The following PCGF2 variants were observed in gnomAD, a reference collection of about 807,000 sequenced individuals.
PCGF2 encodes polycomb group RING finger protein 2.
PCGF2 carries 8 observed loss-of-function variants against 36.1 expected under a neutral mutation model. That is an observed-to-expected ratio of 0.22 (90% CI 0.13 to 0.40). The LOEUF (loss-of-function observed/expected upper bound fraction) is 0.40. Among genes scored for constraint, PCGF2 ranks in the 10% least tolerant of loss-of-function variants. PCGF2 has a pLI of 1.00. For synonymous variants in PCGF2, 198 were observed against 191.2 expected (o/e 1.04, Z -0.29); for missense variants, 436 against 475.9 (o/e 0.92, Z 0.78).
intron 9 of PCGF2, among the ~76,000 whole-genome samples, chr17:38,737,910 C>CA (rs57011839): frequency 0.47 from 41,387 of 88,860 alleles, 8,259 homozygotes; most frequent in Non-Finnish European, 0.54. Context: ...GACTCCATCT[C>CA]AAAAAAAAAA....
rs940034499 is a variant in PCGF2 at position 38,739,011 on chromosome 17, C to A, written c.316+57G>T. 5.6e-6 allele frequency: 9 copies of A among 1,596,586 alleles called. No individual in the cohort carries two copies. In the African/African-American group the frequency reaches 1.1e-4, roughly 19 times the overall value. ...TCAGAGGGTGAGGGGTAGCGCTACA[C>A]ACCTACATGGTCCCAGGCAAGACTG... is the stretch of plus-strand genomic sequence containing the variant. On this transcript the variant is annotated intron_variant, in intron 6 of 10. Coordinates refer to ENST00000620225, the MANE Select transcript of PCGF2 (RefSeq NM_007144.3). This position sits in a 1 kb window ranked among gnomAD's most constrained non-coding sequence, Gnocchi z 4.0.
chr17:38,735,715 G>T, intron 10 of PCGF2, 115 bp from the exon 11 acceptor site: 1 of 1,351,460 alleles, frequency 7.4e-7, no homozygotes, highest in Non-Finnish European at 9.8e-7. Flanking sequence ...AAAAGGGATG[G>T]GATGGGGCCT....
At chr17:38,735,972 C>T (rs1201114448) in intron 10 of PCGF2, 118 bp downstream of exon 10, 2 of 746,904 alleles carry the variant, frequency 2.7e-6, no homozygotes, top group Middle Eastern at 2.3e-4. Context: ...CCTGGACATG[C>T]AGCTCATGGG....
In PCGF2 at chr17:38,736,156, G is replaced by A. The variant is rs771762265; in HGVS notation, c.591C>T (p.Tyr197=). Residue 197 remains tyrosine (Y), a synonymous_variant, in exon 10 of 11, where the codon TAC becomes TAT. Transcript: ENST00000620225. ...VPSKYKVEVL[Y]EDEPLKEYYT... is the part of the protein sequence containing the mutation. ...AGTATTCCTTCAGTGGCTCGTCCTC[G>A]TACAGAACCTCCACCTGGGGGAGGG... 2.7e-5 allele frequency: 42 copies of A among 1,572,218 alleles called. No homozygotes were observed. Among genetic ancestry groups the A allele is most frequent in the Non-Finnish European group, 3.2e-5 (37 of 1,158,796 alleles).
At chr17:38,735,846 A>C (rs779714975) in intron 10 of PCGF2, among the ~76,000 whole-genome samples, 46 of 152,142 alleles carry the variant, frequency 3.0e-4, no homozygotes, top group Non-Finnish European at 6.3e-4. Context: ...GGCAGCTGCC[A>C]GCACCTATTT....
At position 38,740,276 on chromosome 17, in the gene PCGF2, C is replaced by A. The variant is rs1241873301; in HGVS notation, c.112+15G>T. The A allele has an allele frequency of 6.2e-7, 1 of 1,610,214 alleles. No homozygotes were observed. Among genetic ancestry groups the A allele is most frequent in the Non-Finnish European group, 8.5e-7 (1 of 1,176,454 alleles). On this transcript the variant is annotated intron_variant, in intron 3 of 10. Coordinates refer to ENST00000620225, the MANE Select transcript of PCGF2 (RefSeq NM_007144.3). ...AGGCTGCCCACCCTGAGCAGCTCCCCTCCCCCCAACTCACAGGAATGCAGG... is the reference window on the plus strand; with the variant it reads ...AGGCTGCCCACCCTGAGCAGCTCCCATCCCCCCAACTCACAGGAATGCAGG...
intron 10 of PCGF2, 76 bp downstream of exon 10, chr17:38,736,014 G>GGT (rs1906686682): frequency 2.1e-6 from 2 of 939,820 alleles, no homozygotes; most frequent in Admixed American, 4.0e-5. Flanking sequence ...ATTACAGAAG[G>GGT]GTGGCCCATG....
chr17:38,738,953 A>T (rs2075056), intron 6 of PCGF2, 92 bp from the exon 7 acceptor site: 3 of 1,531,670 alleles, frequency 2.0e-6, no homozygotes, highest in Admixed American at 3.4e-5. Context: ...AGGTGAGCCC[A>T]GCCACCTTCT....
Position 38,735,518 on chromosome 17 carries a change from C to T in PCGF2, c.740G>A (p.Gly247Asp). 1 of 1,590,524 alleles carries T rather than the reference C, an allele frequency of 6.3e-7. No homozygotes were observed. Among genetic ancestry groups the T allele is most frequent in the Non-Finnish European group, 8.6e-7 (1 of 1,168,670 alleles). Residue 247 changes from glycine (G) to aspartate (D), a missense_variant, in exon 11 of 11, where the codon GGC becomes GAC. Physicochemically the swap from Gly to Asp is moderately conservative, Grantham distance 94. Around this residue, in one of 3 missense-constraint regions of PCGF2, gnomAD observed 227 missense variants for 212.9 expected, o/e 1.07. Transcript: ENST00000620225. ...TLATVPTPSE[G>D]TNTSGASECE... ...CTCGGACGCCCCGCTGGTGTTGGTGCCCTCGGAGGGGGTGGGCACCGTGGC... is the reference window on the plus strand; with the variant it reads ...CTCGGACGCCCCGCTGGTGTTGGTGTCCTCGGAGGGGGTGGGCACCGTGGC...
chr17:38,738,445 C>T lies in PCGF2; in HGVS notation c.484G>A (p.Gly162Arg). ...ENGDGDKEKT[G>R]VRFLRCPAAM... is the part of the protein sequence containing the mutation. ...GCTGGGCATCGCAGGAAGCGCACCC[C>T]TGTCTGCTGGGGCACAGGCACCCAT... Residue 162 changes from glycine (G) to arginine (R), a missense_variant, in exon 9 of 11, where the codon GGG (glycine) becomes AGG (arginine). Gly to Arg is a moderately radical substitution (Grantham distance 125). Coordinates refer to ENST00000620225, the MANE Select transcript of PCGF2 (RefSeq NM_007144.3). 2 of 1,614,204 alleles carry T rather than the reference C, an allele frequency of 1.2e-6. No individual in the cohort carries two copies. The highest frequency in any genetic ancestry group is 1.7e-6 in the Non-Finnish European group (2 of 1,180,026).
At position 38,735,478 on chromosome 17, in the gene PCGF2, GCTGA is replaced by G; in HGVS notation, c.776_779del (p.Val259AlafsTer59). ...GGGTGGCAGGGCTGGGAGCCTTGTC[GCTGA>G]CTGACTCACACTCGGACGCCCCGCT... On this transcript the variant is annotated frameshift_variant, in exon 11 of 11. Coordinates refer to ENST00000620225, the MANE Select transcript of PCGF2 (RefSeq NM_007144.3). LOFTEE classifies it high-confidence loss of function. 1 of 1,592,020 alleles carries G rather than the reference GCTGA, an allele frequency of 6.3e-7. No individual in the cohort carries two copies. The highest frequency in any genetic ancestry group is 8.5e-7 in the Non-Finnish European group (1 of 1,169,612).
At chr17:38,745,594 ACAAAG>A (rs1426861493) in intron 2 of PCGF2, among the ~76,000 whole-genome samples, 3 of 152,260 alleles carry the variant, frequency 2.0e-5, no homozygotes, top group Non-Finnish European at 2.9e-5. Flanking sequence ...GTCTAAGGTC[ACAAAG>A]CAAAGCAGTG....
chr17:38,740,142 C>A, intron 3 of PCGF2, 149 bp downstream of exon 3: 1 of 673,044 alleles, frequency 1.5e-6, no homozygotes, highest in Non-Finnish European at 2.6e-6. Flanking sequence ...GCGAGGTAGG[C>A]CCTCTGTGAC....
In PCGF2 at chr17:38,740,313, A is replaced by G. The variant is rs1183982630; in HGVS notation, c.90T>C (p.Thr30=). The part of the protein sequence containing the change: ...LCGGYFIDAT[T]IVECLHSFCK... ...CACAGGAATGCAGGCACTCCACGATAGTGGTGGCGTCGATGAAGTACCCCC... is the reference window on the plus strand; with the variant it reads ...CACAGGAATGCAGGCACTCCACGATGGTGGTGGCGTCGATGAAGTACCCCC... The change falls in exon 3 of 11, where the codon ACT becomes ACC. Residue 30 remains threonine, a synonymous_variant. Transcript: ENST00000620225. 2 of 1,587,114 alleles carry G rather than the reference A, an allele frequency of 1.3e-6. No individual in the cohort carries two copies. Among genetic ancestry groups the G allele is most frequent in the Admixed American group, 3.4e-5 (2 of 58,850 alleles).
At chr17:38,748,537 AC>A (rs1457078437), upstream of PCGF2, among the ~76,000 whole-genome samples, 1 of 152,006 alleles carries the variant, frequency 6.6e-6, no homozygotes, top group Non-Finnish European at 1.5e-5. Context: ...GCTCCCCGCC[AC>A]CGGCTGCCGG....
At chr17:38,747,378 A>G (rs1032151890) in intron 2 of PCGF2, among the ~76,000 whole-genome samples, 11 of 152,108 alleles carry the variant, frequency 7.2e-5, no homozygotes, top group Non-Finnish European at 1.6e-4. Flanking sequence ...GCGATGGGAA[A>G]TATTGCGATA....
chr17:38,735,994 A>T, intron 10 of PCGF2, 96 bp downstream of exon 10: 1 of 845,566 alleles, frequency 1.2e-6, no homozygotes, highest in Non-Finnish European at 2.0e-6. Flanking sequence ...TAAGGGACAG[A>T]CTGTCTCTGA....
chr17:38,742,072 C>T (rs955633208), intron 2 of PCGF2, among the ~76,000 whole-genome samples: 26 of 152,226 alleles, frequency 1.7e-4, no homozygotes, highest in African/African-American at 2.4e-5. Flanking sequence ...CCCCAGACCG[C>T]CTGCTCGACA....
Position 38,739,692 on chromosome 17 carries a change from G to T in PCGF2, c.113-10C>A, listed in dbSNP as rs1287360139. Reference sequence around the variant, plus strand: ...ATGCAGGTTTTGCAGACTTGGGGGTGTGGAGAGAGAGAGGAGAGTCAGAGC... The same window carrying T: ...ATGCAGGTTTTGCAGACTTGGGGGTTTGGAGAGAGAGAGGAGAGTCAGAGC... On this transcript the variant is annotated splice_polypyrimidine_tract_variant and intron_variant, in intron 3 of 10. Coordinates refer to ENST00000620225, the MANE Select transcript of PCGF2 (RefSeq NM_007144.3). This position sits in a 1 kb window ranked among gnomAD's most constrained non-coding sequence, Gnocchi z 4.0. 1.9e-6 allele frequency: 3 copies of T among 1,608,904 alleles called. No individual in the cohort carries two copies. The highest frequency in any genetic ancestry group is 2.7e-5 in the African/African-American group (2 of 74,800).
Sources: allele counts gnomAD v4.1 joint callset (sites outside exome capture counted in the v4.1 genomes callset), GRCh38; gene constraint gnomAD v4.1.1; regional missense constraint gnomAD v4.1.1; non-coding constraint Gnocchi (gnomAD v3.1); transcripts MANE v1.5; gene names NCBI Gene and HGNC (gene_info 2026-07-23, HGNC 2026-07-21).